Variants in VAMP1 observed in about 807,000 individuals in gnomAD.
The protein encoded by VAMP1 is vesicle-associated membrane protein 1.
VAMP1 carries 16 observed loss-of-function variants against 19.1 expected under a neutral mutation model. That is an observed-to-expected ratio of 0.84 (90% CI 0.57 to 1.27). The LOEUF (loss-of-function observed/expected upper bound fraction) is 1.27, where lower values mean the gene tolerates loss of function less well. Among genes scored for constraint, VAMP1 ranks in the 50% most tolerant of loss-of-function variants. VAMP1 has a pLI of 0.00. For missense variants in VAMP1, 109 were observed against 145.4 expected (o/e 0.75, Z 1.29); for synonymous variants, 37 against 50.2 (o/e 0.74, Z 1.11).
intron 1 of VAMP1, among the ~76,000 whole-genome samples, chr12:6,467,500 T>C (rs892238710): frequency 2.0e-5 from 3 of 152,158 alleles, no homozygotes; most frequent in Non-Finnish European, 4.4e-5. Context: ...CCCTAGAAAT[T>C]TGTGGAACTT....
chr12:6,469,396 T>C (rs911140553), intron 1 of VAMP1, among the ~76,000 whole-genome samples: 17 of 152,210 alleles, frequency 1.1e-4, no homozygotes, highest in Admixed American at 7.9e-4. Context: ...ACGTAGATAC[T>C]ATCTGGAAGC....
At chr12:6,470,440 G>T in intron 1 of VAMP1, 90 bp downstream of exon 1, 1 of 1,585,314 alleles carries the variant, frequency 6.3e-7, no homozygotes, top group Non-Finnish European at 8.6e-7. Flanking sequence ...TGCAGCTGCT[G>T]CATTGCGCCA....
chr12:6,470,191 T>C (rs1945734369), intron 1 of VAMP1, among the ~76,000 whole-genome samples: 1 of 152,148 alleles, frequency 6.6e-6, no homozygotes, highest in Admixed American at 6.5e-5. Context: ...TCGAGTCCCC[T>C]GCCCAGTTGT....
Position 6,464,182 on chromosome 12 carries a change from C to G in VAMP1, c.*288G>C. ...TCCCCTCCCTGCCCCTTCCCTTGGC[C>G]TCCAACTCTTTGGGGCTTTGGGGGA... On this transcript the variant is annotated 3_prime_UTR_variant, in exon 5 of 5. Coordinates refer to ENST00000396308, the MANE Select transcript of VAMP1 (RefSeq NM_014231.5). The G allele has an allele frequency of 6.9e-7, 1 of 1,459,130 alleles. No homozygotes were observed. Among genetic ancestry groups the G allele is most frequent in the Non-Finnish European group, 9.1e-7 (1 of 1,097,360 alleles). The allele number at this position is 1,459,130 out of a possible 1,614,324, so 90.4% of individuals were successfully genotyped here.
intron 1 of VAMP1, chr12:6,466,702 G>C (rs1247811259): frequency 4.8e-6 from 1 of 209,734 alleles, no homozygotes; most frequent in Non-Finnish European, 9.6e-6. Context: ...ATGGGGTTCA[G>C]GGACATCCAG....
chr12:6,470,621 C>A lies in VAMP1; in HGVS notation c.-90G>T, dbSNP rs1945750649. On this transcript the variant is annotated 5_prime_UTR_variant, in exon 1 of 5. Transcript: ENST00000396308. ...GACGCTGCGGCTGAAGTGGACGGAA[C>A]TGCCAAGCTCCGCCTCGCGCCGACT... The A allele has an allele frequency of 3.2e-6, 5 of 1,559,240 alleles. No individual in the cohort carries two copies. Among genetic ancestry groups the A allele is most frequent in the Non-Finnish European group, 2.6e-6 (3 of 1,135,574 alleles).
rs1470167177 is a variant in VAMP1, at chr12:6,463,374, G to A, written c.*1096C>T. 7.3e-6 allele frequency: 8 copies of A among 1,089,976 alleles called. No individual in the cohort carries two copies. Among genetic ancestry groups the A allele is most frequent in the East Asian group, 7.4e-5 (1 of 13,544 alleles). 67.5% of individuals were successfully genotyped at this position (1,089,976 alleles called of 1,614,324 possible). ...ATGACTTCTCTGCATCCTGAGGATC[G>A]GCCGGGCCCCAGGAAGAACCACTTG... On this transcript the variant is annotated 3_prime_UTR_variant, in exon 5 of 5. Transcript: ENST00000396308. The surrounding 1 kb of genome is among the most constrained non-coding windows in gnomAD (Gnocchi z 4.0).
In VAMP1 at chr12:6,463,219, A is replaced by AG; in HGVS notation, c.*1250dup. ...ATTCAGACAGGAAAGGGTGGTTCAA[A>AG]GGGGAATATACTACAGGAAGAACAG... is the stretch of plus-strand genomic sequence containing the variant. On this transcript the variant is annotated 3_prime_UTR_variant, in exon 5 of 5. Transcript: ENST00000396308. This position sits in a 1 kb window ranked among gnomAD's most constrained non-coding sequence, Gnocchi z 4.0. 4 of 1,423,882 alleles carry AG rather than the reference A, an allele frequency of 2.8e-6. No individual in the cohort carries two copies. The highest frequency in any genetic ancestry group is 3.7e-6 in the Non-Finnish European group (4 of 1,092,748). The allele number at this position is 1,423,882 out of a possible 1,614,324, so 88.2% of individuals were successfully genotyped here. A position where few individuals can be genotyped will look rare whatever the true frequency, so the allele number is the denominator to read the frequency against.
Position 6,463,164 on chromosome 12 carries a change from A to G in VAMP1, c.*1306T>C. ...CTGTCTATACACACAAACCATGCAA[A>G]GAGGAGGAAGAGAAAGGAGGCAAAG... is the stretch of plus-strand genomic sequence containing the variant. On this transcript the variant is annotated 3_prime_UTR_variant, in exon 5 of 5. Coordinates refer to ENST00000396308, the MANE Select transcript of VAMP1 (RefSeq NM_014231.5). The surrounding 1 kb of genome is among the most constrained non-coding windows in gnomAD (Gnocchi z 4.0). The G allele has an allele frequency of 6.9e-7, 1 of 1,443,908 alleles. No individual in the cohort carries two copies. The highest frequency in any genetic ancestry group is 9.1e-7 in the Non-Finnish European group (1 of 1,103,076). The allele number at this position is 1,443,908 out of a possible 1,614,324, so 89.4% of individuals were successfully genotyped here.
At chr12:6,465,388 A>ATATATATACATGTATATATATG (rs1949986212) in intron 3 of VAMP1, 1 of 75,522 alleles carries the variant, frequency 1.3e-5, no homozygotes, top group South Asian at 3.8e-4. Context: ...ATATATATGT[A>ATATATATACATGTATATATATG]TATATATATA....
chr12:6,462,358 G>C lies in VAMP1; in HGVS notation c.*2112C>G. The C allele has an allele frequency of 1.9e-6, 1 of 519,036 alleles. No homozygotes were observed. Among genetic ancestry groups the C allele is most frequent in the Non-Finnish European group, 3.4e-6 (1 of 291,746 alleles). 32.2% of individuals were successfully genotyped at this position (519,036 alleles called of 1,614,324 possible). On this transcript the variant is annotated 3_prime_UTR_variant, in exon 5 of 5. Coordinates refer to ENST00000396308, the MANE Select transcript of VAMP1 (RefSeq NM_014231.5). ...TACTCTATACAAGTATGAGATCAGG[G>C]TTAGGAAAAAAAGACAAAGAGGTGA...
chr12:6,464,286 A>G lies in VAMP1; in HGVS notation c.*184T>C. 6.5e-7 allele frequency: 1 copy of G among 1,541,878 alleles called. No individual in the cohort carries two copies. The highest frequency in any genetic ancestry group is 2.5e-5 in the East Asian group (1 of 40,594). ...GGGTAATGACTTAGATTGTGCCACG[A>G]GCAGCATTTCTAGTGTTGAGGGACA... On this transcript the variant is annotated 3_prime_UTR_variant, in exon 5 of 5. Transcript: ENST00000396308.
At chr12:6,468,517 T>C (rs1267781803) in intron 1 of VAMP1, among the ~76,000 whole-genome samples, 1 of 152,228 alleles carries the variant, frequency 6.6e-6, no homozygotes, top group African/African-American at 2.4e-5. Flanking sequence ...TCCAAGAGCA[T>C]AGACAGGAAG....
chr12:6,464,358 G>T lies in VAMP1; in HGVS notation c.*112C>A, dbSNP rs1289368257. 7 of 1,551,534 alleles carry T rather than the reference G, an allele frequency of 4.5e-6. No individual in the cohort carries two copies. The African/African-American group carries it at 9.6e-5, about 21-fold the overall frequency. On this transcript the variant is annotated 3_prime_UTR_variant, in exon 5 of 5. Coordinates refer to ENST00000396308, the MANE Select transcript of VAMP1 (RefSeq NM_014231.5). Reference sequence around the variant, plus strand: ...AAAAGGAGGAATGGGTGATGGAGAAGCCTGGGCTGGAATGGAGGACGGTGG... The same window carrying T: ...AAAAGGAGGAATGGGTGATGGAGAATCCTGGGCTGGAATGGAGGACGGTGG...
intron 3 of VAMP1, among the ~76,000 whole-genome samples, chr12:6,465,638 G>A (rs985316734): frequency 5.9e-5 from 9 of 151,642 alleles, no homozygotes; most frequent in African/African-American, 1.9e-4. Context: ...CCCTGATAGC[G>A]GTTCTAAATA....
At position 6,464,459 on chromosome 12, in the gene VAMP1, G is replaced by A. The variant is rs1296062499; in HGVS notation, c.*11C>T. 6.4e-7 allele frequency: 1 copy of A among 1,559,306 alleles called. No individual in the cohort carries two copies. The highest frequency in any genetic ancestry group is 8.7e-7 in the Non-Finnish European group (1 of 1,151,208). On this transcript the variant is annotated 3_prime_UTR_variant, in exon 5 of 5. Coordinates refer to ENST00000396308, the MANE Select transcript of VAMP1 (RefSeq NM_014231.5). Reference sequence around the variant, plus strand: ...GATGGCAATGGACAACAGGGAAGGGGTGGTACATTCTCAAGTAAAAAAGTA... The same window carrying A: ...GATGGCAATGGACAACAGGGAAGGGATGGTACATTCTCAAGTAAAAAAGTA...
In VAMP1 at chr12:6,466,345, A is replaced by G; in HGVS notation, c.9T>C (p.Ala3=). 1 of 1,613,222 alleles carries G rather than the reference A, an allele frequency of 6.2e-7. No homozygotes were observed. Among genetic ancestry groups the G allele is most frequent in the Non-Finnish European group, 8.5e-7 (1 of 1,179,646 alleles). The change falls in exon 2 of 5, where the codon GCT becomes GCC. Residue 3 remains alanine (A), a synonymous_variant. Coordinates refer to ENST00000396308, the MANE Select transcript of VAMP1 (RefSeq NM_014231.5). ...TCCCTTCAGCAGGTGGCTGAGCTGG[A>G]GCAGACCTGTGGAAAGACATGTGCA... MS[A]PAQPPAEGTE...
At position 6,463,219 on chromosome 12, in the gene VAMP1, AG is replaced by A. The variant is rs1949926340; in HGVS notation, c.*1250del. 6 of 1,423,882 alleles carry A rather than the reference AG, an allele frequency of 4.2e-6. No individual in the cohort carries two copies. The highest frequency in any genetic ancestry group is 5.5e-6 in the Non-Finnish European group (6 of 1,092,748). The allele number at this position is 1,423,882 out of a possible 1,614,324, so 88.2% of individuals were successfully genotyped here. A position where few individuals can be genotyped will look rare whatever the true frequency, so the allele number is the denominator to read the frequency against. On this transcript the variant is annotated 3_prime_UTR_variant, in exon 5 of 5. Transcript: ENST00000396308. The surrounding 1 kb of genome is among the most constrained non-coding windows in gnomAD (Gnocchi z 4.0). ...ATTCAGACAGGAAAGGGTGGTTCAA[AG>A]GGGAATATACTACAGGAAGAACAGA...
In VAMP1 at chr12:6,465,855, C is replaced by T; in HGVS notation, c.275G>A (p.Trp92Ter). ...AAGAAAATTCACCTTGCAGTTTTTC[C>T]ACCAATACTTCCTCTTTAGCTTGGC... is the stretch of plus-strand genomic sequence containing the variant. ...SAAKLKRKYW[W>*]KNCKMMIMLG... Residue 92 changes from tryptophan (W) to a stop codon, truncating the protein, a stop_gained, in exon 3 of 5, where the codon TGG becomes TAG. Transcript: ENST00000396308. LOFTEE classifies it high-confidence loss of function. 1 of 1,614,104 alleles carries T rather than the reference C, an allele frequency of 6.2e-7. No individual in the cohort carries two copies. The highest frequency in any genetic ancestry group is 8.5e-7 in the Non-Finnish European group (1 of 1,180,012).
Sources: gnomAD v4.1 joint callset for allele counts (sites outside exome capture counted in the v4.1 genomes callset) on GRCh38, gnomAD v4.1.1 for gene constraint, Gnocchi (gnomAD v3.1) non-coding constraint, MANE v1.5 for transcripts, NCBI Gene and HGNC (gene_info 2026-07-23, HGNC 2026-07-21) for gene names.